The following TXNRD1 variants were observed in gnomAD, a reference collection of about 807,000 sequenced individuals.
The protein encoded by TXNRD1 is thioredoxin reductase 1, cytoplasmic.
Under a neutral mutation model 80.3 loss-of-function variants are expected in TXNRD1, and 57 were observed. The observed-to-expected ratio is 0.71, with a 90% CI of 0.57 to 0.89. The LOEUF is 0.89. Among genes scored for constraint, TXNRD1 ranks in the 40% least tolerant of loss-of-function variants. TXNRD1 has a pLI of 0.00. For missense variants in TXNRD1, 730 were observed against 803.0 expected (o/e 0.91, Z 1.10); for synonymous variants, 291 against 285.2 (o/e 1.02, Z -0.20).
chr12:104,248,577 G>A (rs2033042528), intron 1 of TXNRD1, among the ~76,000 whole-genome samples: 1 of 152,108 alleles, frequency 6.6e-6, no homozygotes, highest in Non-Finnish European at 1.5e-5. Flanking sequence ...TGTGAGCCAC[G>A]CGCCTGGCCA....
At chr12:104,283,008 T>A (rs1317286560) in intron 3 of TXNRD1, 2 of 152,166 alleles carry the variant, frequency 1.3e-5, no homozygotes, top group African/African-American at 2.4e-5. Context: ...GGAGGCTTTT[T>A]TAAAATGGTA....
chr12:104,250,287 C>T (rs915634494), intron 1 of TXNRD1, among the ~76,000 whole-genome samples: 1 of 152,012 alleles, frequency 6.6e-6, no homozygotes, highest in Non-Finnish European at 1.5e-5. Flanking sequence ...AAAGTAAGAA[C>T]TAAAACTATA....
chr12:104,219,179 C>T (rs756271894), intron 1 of TXNRD1, among the ~76,000 whole-genome samples: 3 of 152,124 alleles, frequency 2.0e-5, no homozygotes, highest in Non-Finnish European at 4.4e-5. Flanking sequence ...CACCTGGCCT[C>T]AAGTGATCCT....
intron 3 of TXNRD1, chr12:104,287,362 G>A: frequency 6.2e-7 from 1 of 1,614,078 alleles, no homozygotes; most frequent in Non-Finnish European, 8.5e-7. Context: ...TGAGGCCGGC[G>A]CCTGTAGGCT....
At chr12:104,333,903 AT>A (rs1275788952) in intron 14 of TXNRD1, among the ~76,000 whole-genome samples, 2 of 152,178 alleles carry the variant, frequency 1.3e-5, no homozygotes, top group African/African-American at 4.8e-5. Context: ...ACAAGATAGT[AT>A]TGAGTTTGGG....
At chr12:104,282,574 T>G (rs1461967507) in intron 3 of TXNRD1, among the ~76,000 whole-genome samples, 1 of 152,158 alleles carries the variant, frequency 6.6e-6, no homozygotes, top group African/African-American at 2.4e-5. Flanking sequence ...TTCCCTACCC[T>G]ACTTTATTCT....
At chr12:104,305,046 C>T (rs2034839446) in intron 4 of TXNRD1, 1 of 1,132,154 alleles carries the variant, frequency 8.8e-7, no homozygotes, top group Non-Finnish European at 1.2e-6. Flanking sequence ...AAAGTATTTT[C>T]AAGAACATCA....
Position 104,282,199 on chromosome 12 carries a change from T to G in TXNRD1, c.305-6732T>G, listed in dbSNP as rs563449026. On this transcript the variant is annotated intron_variant, in intron 3 of 16. Transcript: ENST00000525566. Reference sequence around the variant, plus strand: ...AAAGTTCTTTGGGACTAGTTAGGGTTTGGGGAGCTAGCAAGCTCTGGTGAG... The same window carrying G: ...AAAGTTCTTTGGGACTAGTTAGGGTGTGGGGAGCTAGCAAGCTCTGGTGAG... Among the ~76,000 whole-genome samples, 7 of 152,272 alleles carry G rather than the reference T, an allele frequency of 4.6e-5. No individual in the cohort carries two copies. In the East Asian group the frequency reaches 1.3e-3, roughly 29 times the overall value.
intron 4 of TXNRD1, among the ~76,000 whole-genome samples, chr12:104,305,418 A>G (rs1164723932): frequency 6.6e-6 from 1 of 152,210 alleles, no homozygotes; most frequent in East Asian, 1.9e-4. Context: ...TAAAAAAGTC[A>G]TTGCAAGGAA....
rs1225746979 is a variant in TXNRD1, at chr12:104,309,840, C to G, written c.415-1450C>G. ...TGTTTACCAGCCTCTTGTGCTAGAC[C>G]TTTTGTGCAGACTGTCAGAGTGGTG... On this transcript the variant is annotated intron_variant, in intron 4 of 16. Transcript: ENST00000525566. 4.6e-6 allele frequency: 7 copies of G among 1,535,248 alleles called. No homozygotes were observed. The East Asian group carries it at 1.2e-4, about 27-fold the overall frequency.
chr12:104,287,397 TGTAGA>T, intron 3 of TXNRD1: 1 of 1,614,006 alleles, frequency 6.2e-7, no homozygotes, highest in Non-Finnish European at 8.5e-7. Flanking sequence ...TCTTGGTCTT[TGTAGA>T]GACAGTTTGC....
At chr12:104,216,004 G>A in intron 1 of TXNRD1, 111 bp downstream of exon 1, 1 of 921,232 alleles carries the variant, frequency 1.1e-6, no homozygotes, top group South Asian at 1.7e-5. Flanking sequence ...CCCCTCACTG[G>A]AGTCAGTGAC....
At chr12:104,239,478 A>G (rs867007737) in intron 1 of TXNRD1, among the ~76,000 whole-genome samples, 1 of 152,138 alleles carries the variant, frequency 6.6e-6, no homozygotes, top group Non-Finnish European at 1.5e-5. Flanking sequence ...TACACGTGTG[A>G]GCCACTGCAC....
At chr12:104,271,314 T>C (rs1274432183) in intron 3 of TXNRD1, among the ~76,000 whole-genome samples, 5 of 151,708 alleles carry the variant, frequency 3.3e-5, no homozygotes, top group Non-Finnish European at 7.4e-5. Context: ...GCCTCCTGAG[T>C]TTCTGGGACT....
intron 1 of TXNRD1, among the ~76,000 whole-genome samples, chr12:104,244,815 G>A (rs1180195556): frequency 6.6e-6 from 1 of 152,174 alleles, no homozygotes; most frequent in Non-Finnish European, 1.5e-5. Context: ...AAAAAGAAGG[G>A]ATTGAAGACA....
intron 16 of TXNRD1, among the ~76,000 whole-genome samples, chr12:104,345,470 T>C (rs1167309910): frequency 6.6e-6 from 1 of 152,184 alleles, no homozygotes; most frequent in African/African-American, 2.4e-5. Context: ...ATTACTAGAA[T>C]TCTAGAATTG....
At chr12:104,244,486 T>C (rs1335950638) in intron 1 of TXNRD1, among the ~76,000 whole-genome samples, 1 of 152,124 alleles carries the variant, frequency 6.6e-6, no homozygotes, top group East Asian at 1.9e-4. Flanking sequence ...GAAAGAAAAG[T>C]CATGGATAAT....
At chr12:104,345,491 AGAGGC>A (rs1193449202) in intron 16 of TXNRD1, among the ~76,000 whole-genome samples, 1 of 152,194 alleles carries the variant, frequency 6.6e-6, no homozygotes, top group African/African-American at 2.4e-5. Flanking sequence ...CTGTAAGAGG[AGAGGC>A]TACTCTTGTT....
intron 2 of TXNRD1, among the ~76,000 whole-genome samples, chr12:104,254,644 A>AAAAAAAAAAAAATATATAT: frequency 3.3e-4 from 31 of 93,610 alleles, no homozygotes; most frequent in Non-Finnish European, 5.2e-4. Flanking sequence ...AAAAAAAAAA[A>AAAAAAAAAAAAATATATAT]ATATATATAT....
Sources: gnomAD v4.1 joint callset for allele counts (sites outside exome capture counted in the v4.1 genomes callset) on GRCh38, gnomAD v4.1.1 for gene constraint, MANE v1.5 for transcripts, NCBI Gene and HGNC (gene_info 2026-07-23, HGNC 2026-07-21) for gene names.